The following CSMD1 variants were observed in gnomAD, a reference collection of about 807,000 sequenced individuals.
CSMD1 encodes the protein CUB and Sushi multiple domains 1.
CSMD1 carries 213 observed loss-of-function variants against 417.5 expected under a neutral mutation model. The ratio of observed to expected loss-of-function variants is 0.51; its 90% CI spans 0.46 to 0.57. The LOEUF is 0.57. CSMD1 is among the 20% of genes least tolerant of loss of function. The pLI, the probability that CSMD1 is intolerant of heterozygous loss-of-function variation, is 0.00. For synonymous variants in CSMD1, 2,862 were observed against 1,736.8 expected (o/e 1.65, Z -16.11); for missense variants, 6,923 against 4,529.7 (o/e 1.53, Z -15.17).
intron 7 of CSMD1, among the ~76,000 whole-genome samples, chr8:3,687,993 TTC>T (rs1366388646): frequency 2.6e-5 from 4 of 152,318 alleles, no homozygotes; most frequent in African/African-American, 9.6e-5. Context: ...ATTTTAAGGC[TTC>T]TCTCTTTTAA....
At chr8:4,270,289 C>T (rs528402885) in intron 3 of CSMD1, among the ~76,000 whole-genome samples, 1 of 152,098 alleles carries the variant, frequency 6.6e-6, no homozygotes, top group Non-Finnish European at 1.5e-5. Context: ...CTACAGTTAC[C>T]TTCTTCCCAG....
intron 7 of CSMD1, among the ~76,000 whole-genome samples, chr8:3,668,365 TCC>T (rs1798813174): frequency 6.6e-6 from 1 of 151,732 alleles, no homozygotes; most frequent in Admixed American, 6.6e-5. Flanking sequence ...ACGGATGGAG[TCC>T]CCAGACCCAA....
chr8:3,402,903 T>A (rs540683698), intron 15 of CSMD1, among the ~76,000 whole-genome samples: 7 of 152,276 alleles, frequency 4.6e-5, no homozygotes, highest in Non-Finnish European at 1.0e-4. Flanking sequence ...GTTAGAGGAC[T>A]TAAAGATAGA....
chr8:4,745,449 G>T (rs751481195), intron 1 of CSMD1, among the ~76,000 whole-genome samples: 2 of 152,112 alleles, frequency 1.3e-5, no homozygotes, highest in African/African-American at 4.8e-5. Flanking sequence ...TTGAAAGAAA[G>T]CTCTCTTAGA....
At chr8:3,365,707 T>G (rs1203998037) in intron 20 of CSMD1, among the ~76,000 whole-genome samples, 1 of 152,226 alleles carries the variant, frequency 6.6e-6, no homozygotes, top group Non-Finnish European at 1.5e-5. Flanking sequence ...TGGTCAACAG[T>G]AGGCTATTAG....
Position 3,142,546 on chromosome 8 carries a change from G to A in CSMD1, c.6160C>T (p.Leu2054=), listed in dbSNP as rs757134804. 2 of 1,614,006 alleles carry A rather than the reference G, an allele frequency of 1.2e-6. No individual in the cohort carries two copies. The highest frequency in any genetic ancestry group is 4.5e-5 in the East Asian group (2 of 44,880). Residue 2054 remains leucine (L), a synonymous_variant, in exon 41 of 70, where the codon CTG becomes TTG. Transcript: ENST00000635120. ...ATGAGGGTTTCATGCGTTGTGCTCAGCAGGGCCGCGGGGAGATCCGTGCCG... is the reference window on the plus strand; with the variant it reads ...ATGAGGGTTTCATGCGTTGTGCTCAACAGGGCCGCGGGGAGATCCGTGCCG... ...FSGTDLPAAL[L]STTHETLIHF... is the part of the protein sequence containing the mutation.
chr8:4,293,107 G>T (rs1030924815), intron 3 of CSMD1, among the ~76,000 whole-genome samples: 1 of 152,120 alleles, frequency 6.6e-6, no homozygotes, highest in Non-Finnish European at 1.5e-5. Flanking sequence ...ACAGCAGGAG[G>T]GGGCTACCAG....
At chr8:3,337,866 T>C (rs1040432216) in intron 23 of CSMD1, among the ~76,000 whole-genome samples, 3 of 152,198 alleles carry the variant, frequency 2.0e-5, no homozygotes, top group Non-Finnish European at 2.9e-5. Context: ...TTATGATGTT[T>C]CTTCTACCTC....
chr8:3,954,536 T>A lies in CSMD1; in HGVS notation c.818+43367A>T, dbSNP rs535460259. On this transcript the variant is annotated intron_variant, in intron 5 of 69. Coordinates refer to ENST00000635120, the MANE Select transcript of CSMD1 (RefSeq NM_033225.6). ...CACCCACCACCACTCCCAGATAATT[T>A]TTTTGTATTTTTAGTAGAGACGGGG... Among the ~76,000 whole-genome samples, 62 of 152,192 alleles carry A rather than the reference T, an allele frequency of 4.1e-4. 2 individuals carry two copies. The highest frequency in any genetic ancestry group is 1.5e-3 in the African/African-American group (61 of 41,538).
At chr8:3,491,632 T>A (rs1818387249) in intron 11 of CSMD1, among the ~76,000 whole-genome samples, 1 of 152,052 alleles carries the variant, frequency 6.6e-6, no homozygotes, top group South Asian at 2.1e-4. Context: ...CCTGGTGGAG[T>A]CCTCTTCTGG....
At chr8:4,123,446 T>C (rs911785488) in intron 3 of CSMD1, among the ~76,000 whole-genome samples, 3 of 152,238 alleles carry the variant, frequency 2.0e-5, no homozygotes, top group Non-Finnish European at 4.4e-5. Flanking sequence ...TGGCCTTTAA[T>C]GTTTAAATAT....
chr8:4,002,189 G>C (rs1360268526), intron 4 of CSMD1, among the ~76,000 whole-genome samples: 1 of 151,830 alleles, frequency 6.6e-6, no homozygotes, highest in Non-Finnish European at 1.5e-5. Context: ...GGCAAAATTA[G>C]TGTTGGTGCC....
intron 3 of CSMD1, among the ~76,000 whole-genome samples, chr8:4,400,436 G>C (rs1289445110): frequency 1.3e-5 from 2 of 152,224 alleles, no homozygotes; most frequent in African/African-American, 4.8e-5. Context: ...GCACATGCAT[G>C]TATGCAGACA....
At chr8:3,907,296 G>A (rs1808178137) in intron 5 of CSMD1, among the ~76,000 whole-genome samples, 1 of 152,106 alleles carries the variant, frequency 6.6e-6, no homozygotes, top group Non-Finnish European at 1.5e-5. Flanking sequence ...TTTTTAAGAA[G>A]ACATTAACGT....
chr8:3,717,552 G>A (rs114102060), intron 6 of CSMD1, among the ~76,000 whole-genome samples: 319 of 152,230 alleles, frequency 2.1e-3, no homozygotes, highest in African/African-American at 7.5e-3. Flanking sequence ...ACAGGTTATT[G>A]CAGAATATTT....
chr8:4,077,299 A>ATG (rs1554439882), intron 3 of CSMD1, among the ~76,000 whole-genome samples: 6 of 66,124 alleles, frequency 9.1e-5, no homozygotes, highest in African/African-American at 2.5e-4. Context: ...ATATATGTGT[A>ATG]TATATATATA....
At chr8:4,132,845 C>G (rs1803193556) in intron 3 of CSMD1, among the ~76,000 whole-genome samples, 3 of 152,122 alleles carry the variant, frequency 2.0e-5, no homozygotes, top group Non-Finnish European at 2.9e-5. Context: ...GTTTGTAGCT[C>G]AAGACAACTA....
At position 3,369,332 on chromosome 8, in the gene CSMD1, C is replaced by T. The variant is rs755556192; in HGVS notation, c.2821G>A (p.Val941Ile). The change falls in exon 19 of 70, where the codon GTC (valine) becomes ATC (isoleucine). Residue 941 changes from valine to isoleucine, a missense_variant. Physicochemically the swap from Val to Ile is conservative, Grantham distance 29. Coordinates refer to ENST00000635120, the MANE Select transcript of CSMD1 (RefSeq NM_033225.6). Reference sequence around the variant, plus strand: ...AAATCTGGAAACCCAGGAGAAAGGACTGTTCCACTCTTCCCTTGGATGTAG... The same window carrying T: ...AAATCTGGAAACCCAGGAGAAAGGATTGTTCCACTCTTCCCTTGGATGTAG... ...GGYIQGKSGT[V>I]LSPGFPDFYP... 2.5e-6 allele frequency: 4 copies of T among 1,602,714 alleles called. No homozygotes were observed. In the Admixed American group the frequency reaches 5.0e-5, roughly 20 times the overall value.
chr8:3,768,484 T>C (rs1798405173), intron 5 of CSMD1, among the ~76,000 whole-genome samples: 1 of 152,212 alleles, frequency 6.6e-6, no homozygotes, highest in African/African-American at 2.4e-5. Context: ...TGAAAATTTC[T>C]AGTTTATGCC....
Sources: gnomAD v4.1 joint callset for allele counts (sites outside exome capture counted in the v4.1 genomes callset) on GRCh38, gnomAD v4.1.1 for gene constraint, MANE v1.5 for transcripts, NCBI Gene and HGNC (gene_info 2026-07-23, HGNC 2026-07-21) for gene names.